HIVEP3: variants seen among roughly 807,000 people sequenced by gnomAD.
HIVEP3 encodes the protein transcription factor HIVEP3.
In HIVEP3, 49 loss-of-function variants were observed where a neutral mutation model predicts 152.8. That is an observed-to-expected ratio of 0.32 (90% CI 0.26 to 0.41). HIVEP3 has a LOEUF of 0.41. Ranked by LOEUF, HIVEP3 falls within the 10% of genes least tolerant of loss-of-function variation. The pLI, the probability that HIVEP3 is intolerant of heterozygous loss-of-function variation, is 1.00. For synonymous variants in HIVEP3, 1,269 were observed against 1,289.0 expected (o/e 0.98, Z 0.33); for missense variants, 2,790 against 3,103.3 (o/e 0.90, Z 2.40).
At chr1:41,736,251 C>T (rs949727446) in intron 1 of HIVEP3, among the ~76,000 whole-genome samples, 12 of 152,196 alleles carry the variant, frequency 7.9e-5, no homozygotes, top group African/African-American at 2.4e-4. Context: ...GAAACCTGAA[C>T]GAATTTCCAA....
chr1:41,608,917 C>CAAAAAAA (rs35714997), intron 3 of HIVEP3, among the ~76,000 whole-genome samples: 2 of 123,548 alleles, frequency 1.6e-5, no homozygotes, highest in African/African-American at 5.9e-5. Context: ...CTAAAAATAC[C>CAAAAAAA]AAAAAAAAAA....
At chr1:41,696,128 G>A (rs1646270273) in intron 2 of HIVEP3, among the ~76,000 whole-genome samples, 1 of 152,244 alleles carries the variant, frequency 6.6e-6, no homozygotes, top group Non-Finnish European at 1.5e-5. Context: ...TGACAAATGT[G>A]AGGCATGAGG....
At chr1:41,871,969 G>T (rs1203851454) in intron 1 of HIVEP3, among the ~76,000 whole-genome samples, 1 of 152,102 alleles carries the variant, frequency 6.6e-6, no homozygotes, top group East Asian at 1.9e-4. Context: ...TTGTATTGAG[G>T]TATAATTTAT....
chr1:41,544,760 C>CT, intron 5 of HIVEP3, among the ~76,000 whole-genome samples: 1 of 145,012 alleles, frequency 6.9e-6, no homozygotes, highest in East Asian at 2.0e-4. Flanking sequence ...CCACCACCAT[C>CT]ACCACCACTA....
chr1:41,523,416 C>A (rs1642817238), intron 6 of HIVEP3, among the ~76,000 whole-genome samples: 1 of 152,016 alleles, frequency 6.6e-6, no homozygotes, highest in South Asian at 2.1e-4. Flanking sequence ...TCTGTTTAAA[C>A]CAAAACCTTG....
intron 4 of HIVEP3, among the ~76,000 whole-genome samples, chr1:41,577,891 T>C (rs1474434699): frequency 6.6e-6 from 1 of 152,234 alleles, no homozygotes; most frequent in Non-Finnish European, 1.5e-5. Flanking sequence ...TATACTAATG[T>C]ACCAGATTGG....
chr1:41,840,200 C>A (rs1217628710), intron 1 of HIVEP3, among the ~76,000 whole-genome samples: 1 of 152,188 alleles, frequency 6.6e-6, no homozygotes, highest in East Asian at 1.9e-4. Context: ...CGTTCACATC[C>A]ACCCAGAGCC....
chr1:41,894,688 C>G (rs949454767), intron 1 of HIVEP3, among the ~76,000 whole-genome samples: 1 of 152,162 alleles, frequency 6.6e-6, no homozygotes, highest in African/African-American at 2.4e-5. Flanking sequence ...ACAATGTTTT[C>G]AAATATCGTG....
At chr1:41,791,034 A>C (rs1649658760) in intron 1 of HIVEP3, among the ~76,000 whole-genome samples, 1 of 152,050 alleles carries the variant, frequency 6.6e-6, no homozygotes, top group Non-Finnish European at 1.5e-5. Flanking sequence ...CTGCAGTCAC[A>C]GTCTCTCATC....
At chr1:41,749,404 T>TTGTGTGTGTGTGTGTG (rs3064239) in intron 1 of HIVEP3, among the ~76,000 whole-genome samples, 4,951 of 140,674 alleles carry the variant, frequency 0.035, 136 homozygotes, top group Non-Finnish European at 0.041. Context: ...TTAGAAAAAA[T>TTGTGTGTGTGTGTGTG]TGTGTGTGTG....
chr1:41,766,914 T>C (rs945630001), intron 1 of HIVEP3, among the ~76,000 whole-genome samples: 2 of 152,190 alleles, frequency 1.3e-5, no homozygotes, highest in African/African-American at 4.8e-5. Flanking sequence ...TGCTAAGCAG[T>C]GCCCCAACCA....
chr1:41,723,420 C>A (rs986463856), intron 1 of HIVEP3, among the ~76,000 whole-genome samples: 2 of 151,556 alleles, frequency 1.3e-5, no homozygotes, highest in Non-Finnish European at 2.9e-5. Context: ...GTTCTGGTTC[C>A]ATCACAAGAA....
chr1:41,519,010 AG>A (rs1642687227), intron 6 of HIVEP3, among the ~76,000 whole-genome samples: 2 of 152,072 alleles, frequency 1.3e-5, no homozygotes, highest in African/African-American at 4.8e-5. Flanking sequence ...AGAATTCTAA[AG>A]TGTAGGTAGA....
intron 2 of HIVEP3, among the ~76,000 whole-genome samples, chr1:41,691,889 T>A (rs1173229104): frequency 6.6e-6 from 1 of 152,032 alleles, no homozygotes; most frequent in African/African-American, 2.4e-5. Context: ...GTGAATTTTT[T>A]TTTTTTTTTT....
intron 5 of HIVEP3, among the ~76,000 whole-genome samples, chr1:41,525,308 G>A (rs772909968): frequency 7.9e-5 from 12 of 152,152 alleles, no homozygotes; most frequent in Non-Finnish European, 1.5e-4. Flanking sequence ...AACAGCAGCA[G>A]CAGCTCGGGC....
chr1:41,894,881 T>G (rs1644503713), intron 1 of HIVEP3, among the ~76,000 whole-genome samples: 1 of 152,120 alleles, frequency 6.6e-6, no homozygotes, highest in Non-Finnish European at 1.5e-5. Flanking sequence ...TAACCAGGCC[T>G]TACTAAGCAA....
chr1:41,650,109 G>A (rs1473169997), intron 2 of HIVEP3, among the ~76,000 whole-genome samples: 1 of 152,124 alleles, frequency 6.6e-6, no homozygotes, highest in African/African-American at 2.4e-5. Flanking sequence ...ACACTGCAAG[G>A]TGGCTAGAGG....
chr1:41,511,339 T>G lies in HIVEP3; in HGVS notation c.6406-73A>C. ...CACATGGGGAGCCGAGGCCTGGAAG[T>G]GGGAGGGGGACTCGCCCAAGATCAC... On this transcript the variant is annotated intron_variant, in intron 8 of 8. Transcript: ENST00000372583. This position sits in a 1 kb window ranked among gnomAD's most constrained non-coding sequence, Gnocchi z 4.9. The G allele has an allele frequency of 7.6e-7, 1 of 1,324,252 alleles. No homozygotes were observed. The highest frequency in any genetic ancestry group is 2.4e-5 in the Admixed American group (1 of 41,382). The allele number at this position is 1,324,252 out of a possible 1,614,324, so 82.0% of individuals were successfully genotyped here. A position where few individuals can be genotyped will look rare whatever the true frequency, so the allele number is the denominator to read the frequency against.
rs200902798 is a variant in HIVEP3 at position 41,580,962 on chromosome 1, G to A, written c.3836C>T (p.Thr1279Ile). Residue 1279 changes from threonine to isoleucine, a missense_variant, in exon 4 of 9, where the codon ACA (threonine) becomes ATA (isoleucine). Physicochemically the swap from Thr to Ile is moderately conservative, Grantham distance 89. Coordinates refer to ENST00000372583, the MANE Select transcript of HIVEP3 (RefSeq NM_024503.5). ...ATGSAGLSPS[T>I]EYSSDIRLPP... ...TAGCCGGATGTCACTGCTGTACTCT[G>A]TGCTGGGGGAGAGGCCAGCACTTCC... The A allele has an allele frequency of 1.9e-6, 3 of 1,604,722 alleles. No individual in the cohort carries two copies. The highest frequency in any genetic ancestry group is 2.6e-6 in the Non-Finnish European group (3 of 1,175,178).
Sources: gnomAD v4.1 joint callset for allele counts (sites outside exome capture counted in the v4.1 genomes callset) on GRCh38, gnomAD v4.1.1 for gene constraint, Gnocchi (gnomAD v3.1) non-coding constraint, MANE v1.5 for transcripts, NCBI Gene and HGNC (gene_info 2026-07-23, HGNC 2026-07-21) for gene names.